Variants in COL18A1 observed in about 807,000 individuals in gnomAD.
The protein encoded by COL18A1 is collagen type XVIII alpha 1 chain, also known as collagen alpha-1(XVIII) chain.
COL18A1 carries 133 observed loss-of-function variants against 168.0 expected under a neutral mutation model. The observed-to-expected ratio is 0.79, with a 90% CI of 0.69 to 0.91. The LOEUF is 0.91. COL18A1 is among the 40% of genes least tolerant of loss of function. COL18A1 has a pLI of 0.00. For missense variants in COL18A1, 2,126 were observed against 1,925.4 expected (o/e 1.10, Z -1.95); for synonymous variants, 949 against 809.0 (o/e 1.17, Z -2.94).
At chr21:45,479,367 ACACAC>A (rs2035804332) in intron 9 of COL18A1, among the ~76,000 whole-genome samples, 1 of 151,376 alleles carries the variant, frequency 6.6e-6, no homozygotes, top group Non-Finnish European at 1.5e-5. Flanking sequence ...GTGTGTGCAC[ACACAC>A]CACAGGTGGA....
chr21:45,430,009 A>G (rs1378015670), intron 2 of COL18A1, among the ~76,000 whole-genome samples: 1 of 148,946 alleles, frequency 6.7e-6, no homozygotes, highest in Non-Finnish European at 1.5e-5. Context: ...AAGCGGGGTC[A>G]TGGTTTTGGG....
rs2035758739 is a variant in COL18A1 at position 45,478,354 on chromosome 21, G to A, written c.1248+1G>A. ...CGACCCCGGTGAAGACGGAAAGCCGGTGAGTCTGCTTTTCTTTCTGACCCC... is the reference window on the plus strand; with the variant it reads ...CGACCCCGGTGAAGACGGAAAGCCGATGAGTCTGCTTTTCTTTCTGACCCC... On this transcript the variant is annotated splice_donor_variant, in intron 9 of 41. Coordinates refer to ENST00000651438, the MANE Select transcript of COL18A1 (RefSeq NM_001379500.1). LOFTEE classifies it high-confidence loss of function. 1 of 1,614,182 alleles carries A rather than the reference G, an allele frequency of 6.2e-7. No individual in the cohort carries two copies. Among genetic ancestry groups the A allele is most frequent in the Non-Finnish European group, 8.5e-7 (1 of 1,180,030 alleles).
chr21:45,506,130 T>C lies in COL18A1; in HGVS notation c.3216+164T>C, dbSNP rs184054564. On this transcript the variant is annotated intron_variant, in intron 37 of 41. Coordinates refer to ENST00000651438, the MANE Select transcript of COL18A1 (RefSeq NM_001379500.1). ...TTGGTAAAGTTTAGTAAAATACTTT[T>C]GTGAGCAGTTTTGGGTTTAAAGAAA... is the stretch of plus-strand genomic sequence containing the variant. 4.7e-4 allele frequency: 524 copies of C among 1,121,644 alleles called. 1 individual carries two copies. In the African/African-American group the frequency reaches 7.2e-3, roughly 15 times the overall value. The allele number at this position is 1,121,644 out of a possible 1,614,324, so 69.5% of individuals were successfully genotyped here.
At chr21:45,430,850 G>A (rs978399026) in intron 2 of COL18A1, among the ~76,000 whole-genome samples, 4 of 152,206 alleles carry the variant, frequency 2.6e-5, no homozygotes, top group African/African-American at 9.6e-5. Context: ...TCTGCCGGCC[G>A]TGGTCACCCC....
intron 24 of COL18A1, 38 bp downstream of exon 24, chr21:45,492,751 T>TCCCCAGCCGGGA: frequency 2.7e-6 from 2 of 744,698 alleles, no homozygotes; most frequent in Non-Finnish European, 3.8e-6. Context: ...GCTGCCCGGC[T>TCCCCAGCCGGGA]GGGGAGGGGT....
In COL18A1 at chr21:45,475,485, G is replaced by A. The variant is rs2035614044; in HGVS notation, c.748G>A (p.Asp250Asn). 1.9e-6 allele frequency: 3 copies of A among 1,604,426 alleles called. No homozygotes were observed. The highest frequency in any genetic ancestry group is 1.3e-5 in the African/African-American group (1 of 74,816). ...TTTTCAAACTCCTCAGGCATCCGGA[G>A]ACTCTGGCAGCGGGCTCGGGGACGC... ...EGDDSDGASG[D>N]SGSGLGDARE... Residue 250 changes from aspartate (D) to asparagine (N), a missense_variant, in exon 5 of 42, where the codon GAC becomes AAC. Asp to Asn is a conservative substitution (Grantham distance 23). Transcript: ENST00000651438.
chr21:45,433,309 TAAAC>T (rs2034013877), intron 2 of COL18A1, among the ~76,000 whole-genome samples: 1 of 152,256 alleles, frequency 6.6e-6, no homozygotes, highest in Admixed American at 6.5e-5. Context: ...TAACATGCTT[TAAAC>T]AAACTTTAAA....
chr21:45,469,817 G>A (rs1173951305), intron 3 of COL18A1, among the ~76,000 whole-genome samples: 2 of 152,112 alleles, frequency 1.3e-5, no homozygotes, highest in African/African-American at 4.8e-5. Flanking sequence ...GGTGTCTGGG[G>A]GTTCTGAAAG....
chr21:45,509,297 TGGA>T (rs1419735100), intron 38 of COL18A1, 56 bp from the exon 39 acceptor site: 1 of 1,533,266 alleles, frequency 6.5e-7, no homozygotes, highest in South Asian at 1.2e-5. Flanking sequence ...AGGACACAGA[TGGA>T]GGAGGGGCAC....
intron 2 of COL18A1, among the ~76,000 whole-genome samples, chr21:45,459,937 C>A (rs2034985604): frequency 6.6e-6 from 1 of 152,180 alleles, no homozygotes; most frequent in Admixed American, 6.5e-5. Context: ...ACTTTGCTCT[C>A]TACACCCCTC....
intron 5 of COL18A1, 61 bp downstream of exon 5, chr21:45,475,596 G>C: frequency 2.1e-6 from 3 of 1,417,318 alleles, no homozygotes; most frequent in Non-Finnish European, 2.9e-6. Flanking sequence ...CCTCCCAGCA[G>C]TGGGGTGACA....
At chr21:45,448,989 C>T (rs1037231368) in intron 2 of COL18A1, among the ~76,000 whole-genome samples, 1 of 152,226 alleles carries the variant, frequency 6.6e-6, no homozygotes, top group Non-Finnish European at 1.5e-5. Context: ...TGTGGAGAGC[C>T]ATGGCAGGGG....
At chr21:45,454,475 G>C (rs2034732218) in intron 2 of COL18A1, among the ~76,000 whole-genome samples, 1 of 152,198 alleles carries the variant, frequency 6.6e-6, no homozygotes, top group Non-Finnish European at 1.5e-5. Context: ...GGTGGATTGT[G>C]GGGTGAAACC....
chr21:45,474,261 GTGTC>G (rs893136126), intron 4 of COL18A1, among the ~76,000 whole-genome samples: 5 of 150,326 alleles, frequency 3.3e-5, no homozygotes, highest in African/African-American at 7.4e-5. Flanking sequence ...GTGTGTGTGT[GTGTC>G]TGTGTCTGTG....
At chr21:45,449,783 G>A (rs577227371) in intron 2 of COL18A1, among the ~76,000 whole-genome samples, 3 of 152,312 alleles carry the variant, frequency 2.0e-5, no homozygotes, top group South Asian at 4.1e-4. Flanking sequence ...TGCAGGTGGC[G>A]GCAGCTGGTC....
intron 2 of COL18A1, among the ~76,000 whole-genome samples, chr21:45,421,837 G>A (rs945389413): frequency 1.3e-5 from 2 of 151,950 alleles, no homozygotes; most frequent in African/African-American, 2.4e-5. Context: ...GACACAGCCC[G>A]GGGTCCCCCA....
chr21:45,493,745 C>T (rs142342185), intron 26 of COL18A1, 170 bp downstream of exon 26: 9 of 614,980 alleles, frequency 1.5e-5, no homozygotes, highest in South Asian at 9.7e-5. Context: ...GCACCCATGT[C>T]GGCGGTTCCG....
chr21:45,475,555 C>A lies in COL18A1; in HGVS notation c.798+20C>A. ...GAGACGGTGAGTAGCCGGACGGGGCCCAGCCCACGCTGCAGGGTCCCGGGA... is the reference window on the plus strand; with the variant it reads ...GAGACGGTGAGTAGCCGGACGGGGCACAGCCCACGCTGCAGGGTCCCGGGA... On this transcript the variant is annotated intron_variant, in intron 5 of 41. Transcript: ENST00000651438. The A allele has an allele frequency of 1.3e-6, 2 of 1,596,866 alleles. No homozygotes were observed. Among genetic ancestry groups the A allele is most frequent in the Non-Finnish European group, 1.7e-6 (2 of 1,172,994 alleles).
intron 17 of COL18A1, 36 bp downstream of exon 17, chr21:45,487,545 G>C: frequency 1.2e-6 from 2 of 1,610,330 alleles, no homozygotes; most frequent in Non-Finnish European, 1.7e-6. Context: ...GGCTCTGAGG[G>C]GTAAGGGGGT....
Sources: gnomAD v4.1 joint callset for allele counts (sites outside exome capture counted in the v4.1 genomes callset) on GRCh38, gnomAD v4.1.1 for gene constraint, MANE v1.5 for transcripts, NCBI Gene and HGNC (gene_info 2026-07-23, HGNC 2026-07-21) for gene names.